Variants in CHLSN observed in about 807,000 individuals in gnomAD.
The protein encoded by CHLSN is cholesin, also known as protein cholesin.
the CHLSN span, chr7:1,028,166 C>A: frequency 1.1e-6 from 1 of 883,006 alleles, no homozygotes. Context: ...CCCACGGGAG[C>A]GCCCACCTGT....
At chr7:1,065,751 C>A in the CHLSN span, among the ~76,000 whole-genome samples, 1,903 of 152,336 alleles carry the variant, frequency 0.012, 41 homozygotes, top group African/African-American at 0.044. Context: ...AGGGTGGAGA[C>A]AGGAGATCTG....
the CHLSN span, among the ~76,000 whole-genome samples, chr7:1,089,919 C>T: frequency 1.3e-5 from 2 of 150,796 alleles, no homozygotes; most frequent in Non-Finnish European, 2.9e-5. Flanking sequence ...CCCATCTCTA[C>T]TAAAAATATA....
chr7:1,112,680 A>C, the CHLSN span, among the ~76,000 whole-genome samples: 944 of 151,674 alleles, frequency 6.2e-3, 11 homozygotes, highest in African/African-American at 0.022. Flanking sequence ...CCTCTTCGAA[A>C]CGGGAGTGCT....
At chr7:1,044,993 C>A in the CHLSN span, among the ~76,000 whole-genome samples, 2 of 152,392 alleles carry the variant, frequency 1.3e-5, no homozygotes, top group Middle Eastern at 6.8e-3. Flanking sequence ...TCCTGGGCCA[C>A]TATGGTGACT....
the CHLSN span, chr7:987,670 C>T: frequency 1.2e-6 from 1 of 867,156 alleles, no homozygotes; most frequent in Admixed American, 2.9e-5. Context: ...AAAGGGCGTC[C>T]AGCCAGGAGC....
At chr7:1,102,671 G>T in the CHLSN span, among the ~76,000 whole-genome samples, 1 of 152,178 alleles carries the variant, frequency 6.6e-6, no homozygotes, top group East Asian at 1.9e-4. Flanking sequence ...CGGGCGACCT[G>T]GAGAACAGGT....
the CHLSN span, among the ~76,000 whole-genome samples, chr7:1,048,502 T>A: frequency 6.6e-6 from 1 of 152,010 alleles, no homozygotes; most frequent in Non-Finnish European, 1.5e-5. Context: ...ATCCCCACAC[T>A]CAGGCCCCCT....
chr7:1,063,097 T>C, the CHLSN span, among the ~76,000 whole-genome samples: 1 of 152,140 alleles, frequency 6.6e-6, no homozygotes, highest in Non-Finnish European at 1.5e-5. Context: ...TCCTGTGTCT[T>C]CTGGCATCGC....
chr7:1,118,029 C>G, the CHLSN span, among the ~76,000 whole-genome samples: 1 of 152,184 alleles, frequency 6.6e-6, no homozygotes, highest in Non-Finnish European at 1.5e-5. Context: ...TCACATGCTG[C>G]CCATCTTCTC....
the CHLSN span, chr7:1,057,714 G>A: frequency 2.6e-6 from 2 of 776,038 alleles, no homozygotes; most frequent in African/African-American, 1.7e-5. Flanking sequence ...CGTGTACTTT[G>A]TCAACATGGC....
At chr7:1,022,041 C>T in the CHLSN span, among the ~76,000 whole-genome samples, 1 of 152,212 alleles carries the variant, frequency 6.6e-6, no homozygotes, top group Non-Finnish European at 1.5e-5. Context: ...GCCTGGGCCA[C>T]ATCGGACAGG....
chr7:1,055,143 C>A, the CHLSN span: 1 of 422,404 alleles, frequency 2.4e-6, no homozygotes, highest in Admixed American at 2.7e-5. Flanking sequence ...GGACAAGAGG[C>A]CAGCTGTGCT....
chr7:1,133,760 A>AC, the CHLSN span, among the ~76,000 whole-genome samples: 1 of 151,750 alleles, frequency 6.6e-6, no homozygotes. Flanking sequence ...TCAAAAAAAA[A>AC]AAAAAACACC....
chr7:1,016,131 A>G, the CHLSN span, among the ~76,000 whole-genome samples: 709 of 62,400 alleles, frequency 0.011, 75 homozygotes, highest in East Asian at 0.027. Flanking sequence ...ACACAGCAGC[A>G]CACGCCAGCA....
the CHLSN span, among the ~76,000 whole-genome samples, chr7:1,016,718 G>GC: frequency 8.5e-5 from 8 of 94,442 alleles, no homozygotes; most frequent in East Asian, 2.6e-4. Context: ...CCAGCGCACA[G>GC]CAGCACACAG....
chr7:987,464 C>G, the CHLSN span: 27 of 1,564,490 alleles, frequency 1.7e-5, no homozygotes, highest in East Asian at 4.7e-5. Flanking sequence ...CGGTTCATCA[C>G]GCTCCTGCCG....
the CHLSN span, among the ~76,000 whole-genome samples, chr7:1,117,928 C>G: frequency 6.6e-6 from 1 of 152,194 alleles, no homozygotes; most frequent in South Asian, 2.1e-4. Context: ...CCCACCTCGG[C>G]CCCCCTAGAA....
chr7:1,055,472 C>T, the CHLSN span: 18 of 459,402 alleles, frequency 3.9e-5, 1 homozygote, highest in South Asian at 2.8e-4. Context: ...AGGCTTGGGC[C>T]ACAAAGTAAA....
the CHLSN span, among the ~76,000 whole-genome samples, chr7:1,069,302 G>T: frequency 6.6e-6 from 1 of 152,222 alleles, no homozygotes; most frequent in African/African-American, 2.4e-5. Flanking sequence ...CTGCACTCCA[G>T]CCTGGGCGAC....
Sources: allele counts gnomAD v4.1 joint callset (sites outside exome capture counted in the v4.1 genomes callset), GRCh38; gene constraint gnomAD v4.1.1; transcripts MANE v1.5; gene names NCBI Gene and HGNC (gene_info 2026-07-23, HGNC 2026-07-21).